EYA1: variants seen among roughly 807,000 people sequenced by gnomAD.
EYA1 encodes protein phosphatase EYA1.
A neutral mutation model predicts 82.0 loss-of-function variants in EYA1; 16 were observed. The ratio of observed to expected loss-of-function variants is 0.20; its 90% confidence interval spans 0.13 to 0.30. The LOEUF is 0.30. EYA1 is among the 10% of genes least tolerant of loss of function. The pLI, the probability that EYA1 is intolerant of heterozygous loss-of-function variation, is 1.00. For synonymous variants in EYA1, 261 were observed against 264.4 expected (o/e 0.99, Z 0.12); for missense variants, 633 against 730.7 (o/e 0.87, Z 1.54).
chr8:71,471,340 C>A (rs117811953), intron 2 of EYA1, among the ~76,000 whole-genome samples: 3,669 of 151,968 alleles, frequency 0.024, 54 homozygotes, highest in Middle Eastern at 0.061. Context: ...AAATTCTATA[C>A]AAAGAAAACT....
At chr8:71,393,311 T>TATA (rs940511349) in intron 2 of EYA1, among the ~76,000 whole-genome samples, 5 of 152,012 alleles carry the variant, frequency 3.3e-5, no homozygotes, top group African/African-American at 1.2e-4. Context: ...TTATTATTAT[T>TATA]ATACTTTAAG....
At chr8:71,322,094 C>T (rs1822625459) in intron 5 of EYA1, 105 bp downstream of exon 5, 1 of 1,180,778 alleles carries the variant, frequency 8.5e-7, no homozygotes, top group South Asian at 1.3e-5. Flanking sequence ...ATGAAATGCA[C>T]TTTCATTTAA....
rs1806411089 is a variant in EYA1, at chr8:71,197,710, A to G, written c.*1630T>C. 2 of 152,686 alleles carry G rather than the reference A, an allele frequency of 1.3e-5. No individual in the cohort carries two copies. Among genetic ancestry groups the G allele is most frequent in the East Asian group, 1.9e-4 (1 of 5,206 alleles). The allele number at this position is 152,686 out of a possible 1,614,324, so 9.5% of individuals were successfully genotyped here. A position where few individuals can be genotyped will look rare whatever the true frequency, so the allele number is the denominator to read the frequency against. ...TCTAGCAGCAACACACAACTTCAGA[A>G]AAGAATGAAGTAGCTCTTCAACTAC... On this transcript the variant is annotated 3_prime_UTR_variant, in exon 18 of 18. Coordinates refer to ENST00000340726, the MANE Select transcript of EYA1 (RefSeq NM_000503.6).
At chr8:71,537,975 C>T (rs1053754071) in intron 1 of EYA1, among the ~76,000 whole-genome samples, 5 of 152,198 alleles carry the variant, frequency 3.3e-5, no homozygotes, top group African/African-American at 1.2e-4. Context: ...CAGCATTCAT[C>T]GACTTCAGGT....
chr8:71,363,532 A>G (rs1827565836), upstream of EYA1, among the ~76,000 whole-genome samples: 1 of 152,186 alleles, frequency 6.6e-6, no homozygotes, highest in Admixed American at 6.5e-5. Flanking sequence ...AGCCAGGTCA[A>G]AACACAGTTG....
Position 71,463,607 on chromosome 8 carries a change from CT to C in EYA1, c.33+72136del, listed in dbSNP as rs1808543141. ...TCTCTCTCTCTCTCTCTCTCTCTCTCTCTCTCTCTCTCTCTCTCTCTCTCTC... is the reference window on the plus strand; with the variant it reads ...TCTCTCTCTCTCTCTCTCTCTCTCTCCTCTCTCTCTCTCTCTCTCTCTCTC... On this transcript the variant is annotated intron_variant, in intron 2 of 18. Transcript: ENST00000643681. Among the ~76,000 whole-genome samples the C allele has an allele frequency of 6.5e-5, 9 of 137,772 alleles. 1 individual carries two copies. The highest frequency in any genetic ancestry group is 2.0e-4 in the African/African-American group (7 of 35,328). 90.4% of individuals were successfully genotyped at this position (137,772 alleles called of 152,430 possible). A position where few individuals can be genotyped will look rare whatever the true frequency, so the allele number is the denominator to read the frequency against.
intron 2 of EYA1, chr8:71,403,659 C>T (rs369089228): frequency 1.7e-4 from 26 of 152,280 alleles, no homozygotes; most frequent in African/African-American, 6.3e-4. Flanking sequence ...TGTGAAAGAA[C>T]TGCACTGCAC....
chr8:71,427,779 G>C (rs918262408), intron 2 of EYA1, among the ~76,000 whole-genome samples: 1 of 152,122 alleles, frequency 6.6e-6, no homozygotes, highest in Non-Finnish European at 1.5e-5. Flanking sequence ...CAGCACTTGG[G>C]GAGGCTGAAG....
intron 6 of EYA1, 141 bp downstream of exon 6, chr8:71,321,593 C>A (rs932295127): frequency 1.7e-5 from 19 of 1,107,896 alleles, no homozygotes; most frequent in Non-Finnish European, 2.3e-5. Context: ...TCTTTAGAAA[C>A]AATCATACTA....
intron 9 of EYA1, among the ~76,000 whole-genome samples, chr8:71,283,164 G>C (rs1271725725): frequency 6.6e-6 from 1 of 151,944 alleles, no homozygotes; most frequent in Non-Finnish European, 1.5e-5. Context: ...ATGCCTTATG[G>C]GACTTCTTTG....
intron 12 of EYA1, among the ~76,000 whole-genome samples, chr8:71,222,905 C>G (rs1380160837): frequency 6.6e-6 from 1 of 152,106 alleles, no homozygotes; most frequent in Non-Finnish European, 1.5e-5. Flanking sequence ...TAGGGGACTC[C>G]AGCTCTGTCT....
At chr8:71,295,488 T>C (rs545834418) in intron 9 of EYA1, among the ~76,000 whole-genome samples, 3 of 152,296 alleles carry the variant, frequency 2.0e-5, no homozygotes, top group South Asian at 2.1e-4. Flanking sequence ...CTTCACATCA[T>C]ATGTCATTAG....
chr8:71,302,093 T>C (rs753678961), intron 7 of EYA1, among the ~76,000 whole-genome samples: 6 of 152,206 alleles, frequency 3.9e-5, no homozygotes, highest in Non-Finnish European at 8.8e-5. Flanking sequence ...CAATGCTTTT[T>C]TAAAAGAAAC....
At chr8:71,469,339 A>G (rs977126923) in intron 2 of EYA1, among the ~76,000 whole-genome samples, 7 of 152,048 alleles carry the variant, frequency 4.6e-5, no homozygotes, top group African/African-American at 1.7e-4. Flanking sequence ...AAGCCCTCCT[A>G]CGACTTACCT....
chr8:71,315,084 A>C (rs2129019945), intron 7 of EYA1, among the ~76,000 whole-genome samples: 1 of 152,332 alleles, frequency 6.6e-6, no homozygotes. Flanking sequence ...AGATGAAAGT[A>C]ACTCTCAAGC....
At chr8:71,304,169 T>C (rs1397320092) in intron 7 of EYA1, among the ~76,000 whole-genome samples, 2 of 142,626 alleles carry the variant, frequency 1.4e-5, no homozygotes, top group East Asian at 4.1e-4. Flanking sequence ...CAAATAATAA[T>C]ACTTAAACAT....
intron 17 of EYA1, among the ~76,000 whole-genome samples, chr8:71,208,030 AT>A (rs1236560751): frequency 6.6e-6 from 1 of 152,240 alleles, no homozygotes; most frequent in Non-Finnish European, 1.5e-5. Flanking sequence ...TATAATATAC[AT>A]GGAAGTAATT....
At chr8:71,437,988 A>G (rs955687156) in intron 2 of EYA1, among the ~76,000 whole-genome samples, 2 of 152,148 alleles carry the variant, frequency 1.3e-5, no homozygotes, top group African/African-American at 4.8e-5. Context: ...TAGATCAGGG[A>G]TCTGAAAGGA....
chr8:71,434,339 A>G (rs1805846722), intron 2 of EYA1, among the ~76,000 whole-genome samples: 1 of 152,166 alleles, frequency 6.6e-6, no homozygotes, highest in South Asian at 2.1e-4. Context: ...TTCTTAATTG[A>G]TAGAATAAAG....
Sources: gnomAD v4.1 joint callset for allele counts (sites outside exome capture counted in the v4.1 genomes callset) on GRCh38, gnomAD v4.1.1 for gene constraint, MANE v1.5 for transcripts, NCBI Gene and HGNC (gene_info 2026-07-23, HGNC 2026-07-21) for gene names.